LRRC7: variants seen among roughly 807,000 people sequenced by gnomAD.
The protein encoded by LRRC7 is leucine-rich repeat-containing protein 7.
In LRRC7, 23 loss-of-function variants were observed where a neutral mutation model predicts 175.7. That is an observed-to-expected ratio of 0.13 (90% CI 0.09 to 0.19). The LOEUF is 0.19. LRRC7 is among the 10% of genes least tolerant of loss of function. The pLI, the probability that LRRC7 is intolerant of heterozygous loss-of-function variation, is 1.00. For missense variants in LRRC7, 1,354 were observed against 1,904.7 expected (o/e 0.71, Z 5.38); for synonymous variants, 685 against 680.9 (o/e 1.01, Z -0.09).
intron 4 of LRRC7, among the ~76,000 whole-genome samples, chr1:69,807,937 T>C (rs1044256984): frequency 6.6e-6 from 1 of 152,066 alleles, no homozygotes; most frequent in African/African-American, 2.4e-5. Flanking sequence ...GGTACACCAA[T>C]CAAATGAAGG....
chr1:69,661,020 A>G (rs1187718046), intron 1 of LRRC7, among the ~76,000 whole-genome samples: 5 of 152,104 alleles, frequency 3.3e-5, no homozygotes, highest in Non-Finnish European at 5.9e-5. Context: ...CCAGTAGAAG[A>G]TAGCCAAAAA....
At chr1:69,585,396 T>C (rs1646366338) in intron 1 of LRRC7, among the ~76,000 whole-genome samples, 2 of 152,144 alleles carry the variant, frequency 1.3e-5, no homozygotes, top group Non-Finnish European at 1.5e-5. Flanking sequence ...CCTTTCTCTT[T>C]TGTTGAAGAG....
chr1:69,685,358 C>A (rs569154072), intron 2 of LRRC7, among the ~76,000 whole-genome samples: 2 of 152,000 alleles, frequency 1.3e-5, no homozygotes, highest in East Asian at 1.9e-4. Context: ...ACCAGAAAAA[C>A]CACAGTCTGA....
intron 13 of LRRC7, among the ~76,000 whole-genome samples, chr1:70,014,546 AT>A (rs1461045289): frequency 6.6e-6 from 1 of 152,016 alleles, no homozygotes; most frequent in South Asian, 2.1e-4. Flanking sequence ...CCAAATTACT[AT>A]TTTTAAATTA....
chr1:69,847,732 G>C (rs1332681929), intron 7 of LRRC7, among the ~76,000 whole-genome samples: 1 of 151,900 alleles, frequency 6.6e-6, no homozygotes, highest in Non-Finnish European at 1.5e-5. Context: ...TGCCCTACTT[G>C]AGTTTCTTAA....
rs185227657 is a variant in LRRC7 at position 69,690,101 on chromosome 1, G to A, written c.100+11623G>A. Among the ~76,000 whole-genome samples, 10 of 152,242 alleles carry A rather than the reference G, an allele frequency of 6.6e-5. No individual in the cohort carries two copies. In the East Asian group the frequency reaches 1.2e-3, roughly 18 times the overall value. Reference sequence around the variant, plus strand: ...TACATCGTAAGCTCTTCTATGGAAGGTCCATAGCTTTGCTCCAGCCTCCAT... The same window carrying A: ...TACATCGTAAGCTCTTCTATGGAAGATCCATAGCTTTGCTCCAGCCTCCAT... On this transcript the variant is annotated intron_variant, in intron 2 of 26. Transcript: ENST00000651989.
intron 7 of LRRC7, among the ~76,000 whole-genome samples, chr1:69,846,855 C>T (rs1279177580): frequency 1.3e-5 from 2 of 151,914 alleles, no homozygotes; most frequent in Admixed American, 6.6e-5. Context: ...AGATATTTTT[C>T]ATTTTATCTC....
chr1:69,828,832 A>T (rs1457993935), intron 5 of LRRC7, among the ~76,000 whole-genome samples: 1 of 152,026 alleles, frequency 6.6e-6, no homozygotes, highest in Non-Finnish European at 1.5e-5. Flanking sequence ...TTCACAACAT[A>T]TAAAACTTAG....
intron 2 of LRRC7, among the ~76,000 whole-genome samples, chr1:69,691,514 T>C (rs191356980): frequency 1.8e-4 from 28 of 152,152 alleles, no homozygotes; most frequent in Middle Eastern, 3.4e-3. Context: ...AGGATACAAC[T>C]TGGCCAGGTA....
intron 8 of LRRC7, among the ~76,000 whole-genome samples, chr1:69,937,420 C>T (rs1248234895): frequency 3.3e-5 from 5 of 151,932 alleles, no homozygotes; most frequent in African/African-American, 1.2e-4. Context: ...TATTGATATT[C>T]CATTTTTTCT....
At chr1:69,992,948 G>A (rs1240945150) in intron 10 of LRRC7, among the ~76,000 whole-genome samples, 2 of 152,050 alleles carry the variant, frequency 1.3e-5, no homozygotes, top group Admixed American at 6.6e-5. Flanking sequence ...CTTGTGACCC[G>A]ATTGAGTGAT....
chr1:69,696,646 C>G (rs915168218), intron 2 of LRRC7, among the ~76,000 whole-genome samples: 1 of 152,112 alleles, frequency 6.6e-6, no homozygotes, highest in Admixed American at 6.6e-5. Flanking sequence ...TAACATGGGC[C>G]TAGTAGATGT....
intron 11 of LRRC7, among the ~76,000 whole-genome samples, chr1:69,995,060 A>G (rs1029034822): frequency 6.6e-6 from 1 of 152,190 alleles, no homozygotes. Flanking sequence ...AACATTTAAT[A>G]TTTATAGAAT....
chr1:69,906,500 C>A (rs529501027), intron 7 of LRRC7, among the ~76,000 whole-genome samples: 3 of 152,276 alleles, frequency 2.0e-5, no homozygotes, highest in Admixed American at 6.5e-5. Context: ...TTCCCAGCAC[C>A]ATTTATTAAA....
intron 1 of LRRC7, among the ~76,000 whole-genome samples, chr1:69,599,247 C>T (rs1646960909): frequency 6.6e-6 from 1 of 151,994 alleles, no homozygotes; most frequent in Non-Finnish European, 1.5e-5. Context: ...TGTTCTTTTC[C>T]TTTTGTTCCA....
In LRRC7 at chr1:69,642,166, G is replaced by T. The variant is rs1654309567; in HGVS notation, c.3-36215G>T. On this transcript the variant is annotated intron_variant, in intron 1 of 26. Transcript: ENST00000651989. ...GATAATTTTATAAAGTTTAAATCAT[G>T]AAATGTTATAACTAAATTTTCTTTT... 3.3e-5 allele frequency among the ~76,000 whole-genome samples: 5 copies of T among 151,980 alleles called. No homozygotes were observed. In the South Asian group the frequency reaches 8.3e-4, roughly 25 times the overall value.
intron 7 of LRRC7, among the ~76,000 whole-genome samples, chr1:69,858,392 G>A (rs1019202363): frequency 5.9e-5 from 9 of 151,830 alleles, no homozygotes; most frequent in African/African-American, 1.5e-4. Context: ...CAGAATCTAC[G>A]AAGAACTCAA....
At chr1:69,812,217 G>A (rs1000870854) in intron 4 of LRRC7, among the ~76,000 whole-genome samples, 2 of 152,122 alleles carry the variant, frequency 1.3e-5, no homozygotes, top group Admixed American at 6.6e-5. Flanking sequence ...TATAAATGCT[G>A]CATCGCCAGT....
intron 11 of LRRC7, among the ~76,000 whole-genome samples, chr1:70,009,911 A>C (rs902636973): frequency 1.3e-5 from 2 of 152,100 alleles, no homozygotes; most frequent in Non-Finnish European, 2.9e-5. Flanking sequence ...GCTTAGCTGC[A>C]CACAGACTTG....
Sources: allele counts gnomAD v4.1 joint callset (sites outside exome capture counted in the v4.1 genomes callset), GRCh38; gene constraint gnomAD v4.1.1; transcripts MANE v1.5; gene names NCBI Gene and HGNC (gene_info 2026-07-23, HGNC 2026-07-21).